SLC22A23: variants seen among roughly 807,000 people sequenced by gnomAD.
SLC22A23 encodes the protein solute carrier family 22 member 23.
Under a neutral mutation model 61.0 loss-of-function variants are expected in SLC22A23, and 26 were observed. The observed-to-expected ratio is 0.43, with a 90% CI of 0.31 to 0.59. The LOEUF (loss-of-function observed/expected upper bound fraction) is 0.59, where lower values mean the gene tolerates loss of function less well. SLC22A23 is among the 20% of genes least tolerant of loss of function. The pLI is 0.11. For missense variants in SLC22A23, 796 were observed against 934.7 expected (o/e 0.85, Z 1.94); for synonymous variants, 430 against 413.9 (o/e 1.04, Z -0.47).
chr6:3,324,093 C>T lies in SLC22A23; in HGVS notation c.914-91G>A, dbSNP rs1217843863. 4 of 1,460,408 alleles carry T rather than the reference C, an allele frequency of 2.7e-6. No individual in the cohort carries two copies. Among genetic ancestry groups the T allele is most frequent in the Admixed American group, 3.9e-5 (2 of 51,016 alleles). 90.5% of individuals were successfully genotyped at this position (1,460,408 alleles called of 1,614,324 possible). On this transcript the variant is annotated intron_variant, in intron 3 of 9. Coordinates refer to ENST00000406686, the MANE Select transcript of SLC22A23 (RefSeq NM_015482.2). This position sits in a 1 kb window ranked among gnomAD's most constrained non-coding sequence, Gnocchi z 4.3. ...CACCTGGGCCAGTGCACTGCTTAAC[C>T]CACCAACGACTGAAATTGTTTTCAT...
intron 9 of SLC22A23, among the ~76,000 whole-genome samples, chr6:3,280,031 CCT>C (rs1482891386): frequency 6.6e-6 from 1 of 152,156 alleles, no homozygotes; most frequent in African/African-American, 2.4e-5. Context: ...TGTTCTAGCT[CCT>C]CTTTTATATT....
rs918528887 is a variant in SLC22A23 at position 3,456,524 on chromosome 6, G to T, written c.36C>A (p.Gly12=). 5 of 989,836 alleles carry T rather than the reference G, an allele frequency of 5.1e-6. No homozygotes were observed. The African/African-American group carries it at 8.8e-5, about 17-fold the overall frequency. The allele number at this position is 989,836 out of a possible 1,614,324, so 61.3% of individuals were successfully genotyped here. The change falls in exon 1 of 10, where the codon GGC becomes GGA. Residue 12 remains glycine, a synonymous_variant. Transcript: ENST00000406686. The surrounding 1 kb of genome is among the most constrained non-coding windows in gnomAD (Gnocchi z 7.1). The stretch of plus-strand genomic sequence containing the variant: ...CCGGGGCCGGCTGCCGCCCAGGCCC[G>T]CCGCCCGCCGCCTCGCGCCGCCGGT... The part of the protein sequence containing the change: ...AIDRRREAAG[G]GPGRQPAPAE...
chr6:3,316,403 C>T (rs140222379), intron 4 of SLC22A23, among the ~76,000 whole-genome samples: 1 of 152,314 alleles, frequency 6.6e-6, no homozygotes, highest in African/African-American at 2.4e-5. Context: ...AATGTGAAGA[C>T]ACAATCAGCA....
chr6:3,443,596 C>A (rs957262698), intron 1 of SLC22A23, among the ~76,000 whole-genome samples: 4 of 152,122 alleles, frequency 2.6e-5, no homozygotes, highest in Non-Finnish European at 4.4e-5. Context: ...TACTCAATTA[C>A]CCTCAATTAA....
chr6:3,269,785 A>G lies in SLC22A23; in HGVS notation c.*3270T>C, dbSNP rs996436247. On this transcript the variant is annotated 3_prime_UTR_variant, in exon 10 of 10. Transcript: ENST00000406686. ...GCTGTAGTGTGGACCTCCCCCGCACATGCGATACCTCGGGCCGGGCGGTGT... is the reference window on the plus strand; with the variant it reads ...GCTGTAGTGTGGACCTCCCCCGCACGTGCGATACCTCGGGCCGGGCGGTGT... The G allele has an allele frequency of 3.9e-5, 6 of 152,866 alleles. No homozygotes were observed. The allele number at this position is 152,866 out of a possible 1,614,324, so 9.5% of individuals were successfully genotyped here.
intron 3 of SLC22A23, among the ~76,000 whole-genome samples, chr6:3,403,424 C>G (rs886930950): frequency 2.6e-5 from 4 of 151,388 alleles, no homozygotes; most frequent in Admixed American, 2.0e-4. Context: ...GCGAATGGAG[C>G]AAGCAGGAAA....
At chr6:3,284,106 C>T (rs929971482) in intron 8 of SLC22A23, 131 bp from the exon 9 acceptor site, 4 of 891,068 alleles carry the variant, frequency 4.5e-6, no homozygotes, top group South Asian at 1.8e-5. Context: ...ATGCAATTCC[C>T]TCTGGGGACC....
At chr6:3,441,992 G>A (rs1035596237) in intron 1 of SLC22A23, among the ~76,000 whole-genome samples, 2 of 152,174 alleles carry the variant, frequency 1.3e-5, no homozygotes, top group Non-Finnish European at 2.9e-5. Flanking sequence ...GTTCCCAGCC[G>A]CACATGCACC....
At chr6:3,343,516 C>T (rs901125075) in intron 3 of SLC22A23, among the ~76,000 whole-genome samples, 2 of 129,996 alleles carry the variant, frequency 1.5e-5, no homozygotes, top group Non-Finnish European at 3.2e-5. Flanking sequence ...ATAATGTCCT[C>T]GTTTTAGACA....
At chr6:3,280,918 C>G (rs993493387) in intron 9 of SLC22A23, among the ~76,000 whole-genome samples, 1 of 152,062 alleles carries the variant, frequency 6.6e-6, no homozygotes, top group Admixed American at 6.5e-5. Context: ...GTCAGGGAGT[C>G]GTCAGTCAGG....
At chr6:3,289,096 G>C (rs540812911) in intron 6 of SLC22A23, among the ~76,000 whole-genome samples, 2 of 152,330 alleles carry the variant, frequency 1.3e-5, no homozygotes, top group East Asian at 3.9e-4. Flanking sequence ...CGCCACCTTG[G>C]TGACCTCTGA....
chr6:3,368,748 A>G (rs1766006316), intron 3 of SLC22A23, among the ~76,000 whole-genome samples: 2 of 152,222 alleles, frequency 1.3e-5, no homozygotes, highest in Non-Finnish European at 2.9e-5. Flanking sequence ...AGTATGAGTG[A>G]GGAAAGACAG....
rs554609179 is a variant in SLC22A23 at position 3,272,971 on chromosome 6, C to T, written c.*84G>A. ...AGCTTGGCTGAGGCAGCTTTCCCAC[C>T]CCTGGCTGCGTGTTCGGTCCCTGGT... On this transcript the variant is annotated 3_prime_UTR_variant, in exon 10 of 10. Coordinates refer to ENST00000406686, the MANE Select transcript of SLC22A23 (RefSeq NM_015482.2). The T allele has an allele frequency of 1.6e-4, 205 of 1,282,022 alleles. 1 individual carries two copies. In the Middle Eastern group the frequency reaches 1.6e-3, roughly 10 times the overall value. The allele number at this position is 1,282,022 out of a possible 1,614,324, so 79.4% of individuals were successfully genotyped here. A position where few individuals can be genotyped will look rare whatever the true frequency, so the allele number is the denominator to read the frequency against.
intron 1 of SLC22A23, among the ~76,000 whole-genome samples, chr6:3,445,204 AT>A (rs747204357): frequency 6.8e-4 from 99 of 145,156 alleles, no homozygotes; most frequent in Admixed American, 1.1e-3. Context: ...GCCCCCCTTT[AT>A]TTTTTTTTTT....
intron 3 of SLC22A23, among the ~76,000 whole-genome samples, chr6:3,335,152 C>A (rs562945353): frequency 6.6e-6 from 1 of 152,298 alleles, no homozygotes; most frequent in African/African-American, 2.4e-5. Flanking sequence ...AGGGTCAGAT[C>A]AGGCCATCAA....
chr6:3,397,946 A>G (rs560505577), intron 3 of SLC22A23, among the ~76,000 whole-genome samples: 1 of 152,376 alleles, frequency 6.6e-6, no homozygotes, highest in Admixed American at 6.5e-5. Flanking sequence ...ATGACCAAGA[A>G]TGGGGGGCCC....
rs111709514 is a variant in SLC22A23, at chr6:3,400,740, G to A, written c.913+9448C>T. Among the ~76,000 whole-genome samples the A allele has an allele frequency of 3.5e-3, 526 of 152,346 alleles. 4 individuals are homozygous for A. Among genetic ancestry groups the A allele is most frequent in the African/African-American group, 0.012 (485 of 41,576 alleles). ...ATCACACGCACGTGTGTGCACTTGGGTGTGTGTTGATGAGAAAGAGGGTGG... is the reference window on the plus strand; with the variant it reads ...ATCACACGCACGTGTGTGCACTTGGATGTGTGTTGATGAGAAAGAGGGTGG... On this transcript the variant is annotated intron_variant, in intron 3 of 9. Transcript: ENST00000406686.
At chr6:3,365,217 G>T (rs577386862) in intron 3 of SLC22A23, among the ~76,000 whole-genome samples, 1 of 152,290 alleles carries the variant, frequency 6.6e-6, no homozygotes, top group South Asian at 2.1e-4. Flanking sequence ...AGCTACCAGG[G>T]AGGCTGAGAC....
rs113718910 is a variant in SLC22A23 at position 3,335,952 on chromosome 6, G to A, written c.914-11950C>T. 5.1e-4 allele frequency among the ~76,000 whole-genome samples: 77 copies of A among 152,240 alleles called. No homozygotes were observed. The South Asian group carries it at 7.5e-3, about 15-fold the overall frequency. The stretch of plus-strand genomic sequence containing the variant: ...AAAATACAAAAAATTAGCCGGGCGC[G>A]GTGGCGGGCGCCTGTAGTCCCAGTT... On this transcript the variant is annotated intron_variant, in intron 3 of 9. Coordinates refer to ENST00000406686, the MANE Select transcript of SLC22A23 (RefSeq NM_015482.2).
Sources: allele counts gnomAD v4.1 joint callset (sites outside exome capture counted in the v4.1 genomes callset), GRCh38; gene constraint gnomAD v4.1.1; non-coding constraint Gnocchi (gnomAD v3.1); transcripts MANE v1.5; gene names NCBI Gene and HGNC (gene_info 2026-07-23, HGNC 2026-07-21).